CTNNA1: variants seen among roughly 807,000 people sequenced by gnomAD.
CTNNA1 encodes the protein catenin alpha 1.
In CTNNA1, 37 loss-of-function variants were observed where a neutral mutation model predicts 98.4. The observed-to-expected ratio is 0.38, with a 90% CI of 0.29 to 0.49. CTNNA1 has a LOEUF of 0.49. CTNNA1 is among the 20% of genes least tolerant of loss of function. CTNNA1 has a pLI of 0.95. For synonymous variants in CTNNA1, 404 were observed against 413.2 expected (o/e 0.98, Z 0.27); for missense variants, 761 against 1,147.2 (o/e 0.66, Z 4.86).
At chr5:138,755,437 T>C (rs953177224) in intron 1 of CTNNA1, among the ~76,000 whole-genome samples, 1 of 152,156 alleles carries the variant, frequency 6.6e-6, no homozygotes, top group African/African-American at 2.4e-5. Context: ...TCCTTTTGAC[T>C]CATCTCAGTT....
chr5:138,883,628 T>G (rs1753418537), intron 7 of CTNNA1, among the ~76,000 whole-genome samples: 1 of 152,184 alleles, frequency 6.6e-6, no homozygotes, highest in Non-Finnish European at 1.5e-5. Flanking sequence ...CATTTCAGGT[T>G]GTAGGGGATT....
Sources: gnomAD v4.1 joint callset for allele counts (sites outside exome capture counted in the v4.1 genomes callset) on GRCh38, gnomAD v4.1.1 for gene constraint, MANE v1.5 for transcripts, NCBI Gene and HGNC (gene_info 2026-07-23, HGNC 2026-07-21) for gene names.